Variants in RIMS1 observed in about 807,000 individuals in gnomAD.
RIMS1 encodes the protein regulating synaptic membrane exocytosis 1, also known as regulating synaptic membrane exocytosis protein 1.
In RIMS1, 83 loss-of-function variants were observed where a neutral mutation model predicts 214.1. That is an observed-to-expected ratio of 0.39 (90% CI 0.32 to 0.47). The LOEUF (loss-of-function observed/expected upper bound fraction) is 0.47. Among genes scored for constraint, RIMS1 ranks in the 20% least tolerant of loss-of-function variants. RIMS1 has a pLI of 0.99. For missense variants in RIMS1, 2,050 were observed against 2,161.8 expected, an observed-to-expected ratio of 0.95 and a Z score of 1.03; for synonymous variants, 793 against 786.8, an observed-to-expected ratio of 1.01 and a Z score of -0.13.
At chr6:72,250,737 T>TA (rs1351430151) in intron 13 of RIMS1, among the ~76,000 whole-genome samples, 184 bp from the exon 14 acceptor site, 1 of 152,170 alleles carries the variant, frequency 6.6e-6, no homozygotes, top group African/African-American at 2.4e-5. Flanking sequence ...TGTGTCCCTA[T>TA]AATTACAATA....
chr6:72,392,557 T>C, intron 30 of RIMS1, 141 bp from the exon 31 acceptor site: 3 of 705,468 alleles, frequency 4.3e-6, no homozygotes, highest in Middle Eastern at 3.8e-4. Context: ...TCAAAGGCAA[T>C]GCAAAGAATC....
At position 71,987,580 on chromosome 6, in the gene RIMS1, A is replaced by G. The variant is rs557446590; in HGVS notation, c.245+18517A>G. On this transcript the variant is annotated intron_variant, in intron 2 of 33. Coordinates refer to ENST00000521978, the MANE Select transcript of RIMS1 (RefSeq NM_014989.7). ...CGGTACAAACATTCAGTTCACAACA[A>G]ATATCAAACACCACAGATACCTAGG... Among the ~76,000 whole-genome samples, 186 of 152,248 alleles carry G rather than the reference A, an allele frequency of 1.2e-3. 1 individual carries two copies. Among genetic ancestry groups the G allele is most frequent in the Non-Finnish European group, 1.6e-4 (11 of 68,010 alleles).
In RIMS1 at chr6:72,261,022, G is replaced by A. The variant is rs140439019; in HGVS notation, c.3116+255G>A. On this transcript the variant is annotated intron_variant, in intron 19 of 33. Coordinates refer to ENST00000521978, the MANE Select transcript of RIMS1 (RefSeq NM_014989.7). ...AGTGGGCCTCTCTGGGACTGTTTGC[G>A]TTCCTAAAACTGAGGAACCAGTTTC... 1.5e-4 allele frequency: 184 copies of A among 1,268,016 alleles called. 2 individuals carry two copies. Among genetic ancestry groups the A allele is most frequent in the Middle Eastern group, 6.5e-4 (2 of 3,062 alleles). 78.5% of individuals were successfully genotyped at this position (1,268,016 alleles called of 1,614,324 possible). A position where few individuals can be genotyped will look rare whatever the true frequency, so the allele number is the denominator to read the frequency against.
intron 29 of RIMS1, among the ~76,000 whole-genome samples, chr6:72,381,048 A>T (rs963471053): frequency 6.6e-6 from 1 of 152,216 alleles, no homozygotes; most frequent in African/African-American, 2.4e-5. Context: ...CATAGACTGG[A>T]TGGCTTAAAG....
chr6:72,006,027 A>G (rs780201856), intron 2 of RIMS1, among the ~76,000 whole-genome samples: 1 of 152,176 alleles, frequency 6.6e-6, no homozygotes, highest in Non-Finnish European at 1.5e-5. Context: ...TGGTGACAGC[A>G]TGGTTGGGTT....
intron 29 of RIMS1, among the ~76,000 whole-genome samples, chr6:72,363,814 G>A (rs1211995386): frequency 6.6e-6 from 1 of 152,172 alleles, no homozygotes; most frequent in Non-Finnish European, 1.5e-5. Context: ...ACTGGTTAAA[G>A]GGATAATTCG....
chr6:72,338,362 T>C (rs1594236838), intron 29 of RIMS1, among the ~76,000 whole-genome samples: 1 of 151,944 alleles, frequency 6.6e-6, no homozygotes, highest in South Asian at 2.1e-4. Flanking sequence ...CATTTTTTCA[T>C]GTGTCTTAAG....
At chr6:72,066,866 A>G (rs1353912822) in intron 2 of RIMS1, among the ~76,000 whole-genome samples, 2 of 152,124 alleles carry the variant, frequency 1.3e-5, no homozygotes, top group Non-Finnish European at 1.5e-5. Flanking sequence ...TAATTGCTGG[A>G]GTCAAAAACT....
chr6:72,031,981 C>T (rs1818244951), intron 2 of RIMS1, among the ~76,000 whole-genome samples: 1 of 152,040 alleles, frequency 6.6e-6, no homozygotes, highest in Non-Finnish European at 1.5e-5. Flanking sequence ...AAAGTATTGG[C>T]TTTAAGAGAA....
At chr6:72,360,138 G>A (rs2097771747) in intron 29 of RIMS1, among the ~76,000 whole-genome samples, 1 of 152,134 alleles carries the variant, frequency 6.6e-6, no homozygotes, top group African/African-American at 2.4e-5. Context: ...CTGCCAAGCA[G>A]AGACTAGTTT....
At chr6:72,348,567 A>T (rs548479693) in intron 29 of RIMS1, among the ~76,000 whole-genome samples, 2 of 152,082 alleles carry the variant, frequency 1.3e-5, no homozygotes, top group Non-Finnish European at 2.9e-5. Context: ...ATAAATAATT[A>T]TCATTTTAAG....
At chr6:72,060,998 G>T (rs1185746854) in intron 2 of RIMS1, among the ~76,000 whole-genome samples, 1 of 152,030 alleles carries the variant, frequency 6.6e-6, no homozygotes, top group African/African-American at 2.4e-5. Flanking sequence ...TGCAGATATT[G>T]ATATTGATAT....
At chr6:72,353,993 G>A (rs1446612867) in intron 29 of RIMS1, among the ~76,000 whole-genome samples, 1 of 152,186 alleles carries the variant, frequency 6.6e-6, no homozygotes, top group Non-Finnish European at 1.5e-5. Flanking sequence ...GCCGAGGAAG[G>A]TGAATCACCT....
intron 29 of RIMS1, among the ~76,000 whole-genome samples, chr6:72,388,395 G>T (rs554228040): frequency 6.6e-6 from 1 of 152,348 alleles, no homozygotes; most frequent in East Asian, 1.9e-4. Context: ...AAGATGAGAT[G>T]TGAGGTGTCC....
chr6:72,355,274 A>G (rs549060131), intron 29 of RIMS1, among the ~76,000 whole-genome samples: 3 of 152,294 alleles, frequency 2.0e-5, no homozygotes, highest in East Asian at 3.9e-4. Context: ...CACTACTTAC[A>G]TAAAAATCCC....
chr6:71,891,267 G>A (rs867414007), intron 1 of RIMS1, among the ~76,000 whole-genome samples: 1 of 152,210 alleles, frequency 6.6e-6, no homozygotes, highest in South Asian at 2.1e-4. Flanking sequence ...ACATGGGCAA[G>A]AAAATTAAAT....
At chr6:72,382,337 A>G (rs2098504554) in intron 29 of RIMS1, among the ~76,000 whole-genome samples, 1 of 152,240 alleles carries the variant, frequency 6.6e-6, no homozygotes, top group Admixed American at 6.5e-5. Flanking sequence ...CTTAAATACT[A>G]AAGAAAATGA....
intron 1 of RIMS1, among the ~76,000 whole-genome samples, chr6:71,893,623 T>A (rs1581917875): frequency 1.3e-5 from 2 of 152,240 alleles, no homozygotes; most frequent in Admixed American, 6.5e-5. Flanking sequence ...ATAAATTGCA[T>A]GTGTTTAAGA....
At chr6:72,321,440 A>T (rs1292374129) in intron 28 of RIMS1, among the ~76,000 whole-genome samples, 2 of 152,148 alleles carry the variant, frequency 1.3e-5, no homozygotes, top group Non-Finnish European at 2.9e-5. Context: ...ACATGAGCAG[A>T]TGTATTCTTA....
Sources: allele counts gnomAD v4.1 joint callset (sites outside exome capture counted in the v4.1 genomes callset), GRCh38; gene constraint gnomAD v4.1.1; transcripts MANE v1.5; gene names NCBI Gene and HGNC (gene_info 2026-07-23, HGNC 2026-07-21).